PORCN: variants seen among roughly 807,000 people sequenced by gnomAD.
PORCN encodes the protein porcupine O-acyltransferase.
PORCN carries 1 observed loss-of-function variant against 43.0 expected under a neutral mutation model. The observed-to-expected ratio is 0.02, with a 90% CI of 0.01 to 0.11. PORCN has a LOEUF of 0.11. Among genes scored for constraint, PORCN ranks in the 10% least tolerant of loss-of-function variants. The probability of loss-of-function intolerance (pLI) is 1.00; values close to 1 mark genes in which losing one functional copy is unlikely to be tolerated. For synonymous variants in PORCN, 148 were observed against 166.4 expected (o/e 0.89, Z 0.85); for missense variants, 240 against 392.1 (o/e 0.61, Z 3.28).
rs2061686432 is a variant in PORCN at position 48,512,856 on chromosome X, A to T, written c.704+4A>T. On this transcript the variant is annotated splice_donor_region_variant and intron_variant, in intron 7 of 14. Coordinates refer to ENST00000326194, the MANE Select transcript of PORCN (RefSeq NM_203475.3). ...ACAGCAAGAAACGCAAAGCCAGGTAAATGAGGGCAGGTGTGAGGGCACGTG... is the reference window on the plus strand; with the variant it reads ...ACAGCAAGAAACGCAAAGCCAGGTATATGAGGGCAGGTGTGAGGGCACGTG... 8.3e-7 allele frequency: 1 copy of T among 1,210,817 alleles called. No individual in the cohort carries two copies. The highest frequency in any genetic ancestry group is 2.2e-5 in the Admixed American group (1 of 45,905).
chrX:48,512,438 G>T lies in PORCN; in HGVS notation c.486G>T (p.Val162=). 5 of 1,210,506 alleles carry T rather than the reference G, an allele frequency of 4.1e-6. No individual in the cohort carries two copies. Among genetic ancestry groups the T allele is most frequent in the Non-Finnish European group, 5.6e-6 (5 of 894,902 alleles). The change falls in exon 5 of 15, where the codon GTG becomes GTT. Residue 162 remains valine, a synonymous_variant. Coordinates refer to ENST00000326194, the MANE Select transcript of PORCN (RefSeq NM_203475.3). ...PVEFMGYLYF[V]GTIVFGPWIS... ...AGTTCATGGGCTACCTCTACTTCGT[G>T]GGCACCATCGTCTTCGGGCCCTGGA...
Position 48,516,111 on chromosome X carries a change from C to A in PORCN, c.1138C>A (p.Arg380=), listed in dbSNP as rs782208997. The A allele has an allele frequency of 1.4e-5, 17 of 1,211,480 alleles. No individual in the cohort carries two copies. Among genetic ancestry groups the A allele is most frequent in the Non-Finnish European group, 1.9e-5 (17 of 895,371 alleles). The part of the protein sequence containing the change: ...RILSACVLSK[R]CPPDCSHQHR... ...CCTCAGTGCCTGTGTCTTGTCAAAG[C>A]GGTGCCCGCCAGACTGTTCGCACCA... Residue 380 remains arginine (R), a synonymous_variant, in exon 13 of 15, where the codon CGG becomes AGG. Transcript: ENST00000326194.
In PORCN at chrX:48,519,193, G is replaced by T. The variant is rs782604160; in HGVS notation, c.1285-1182G>T. ...GCTGGTCTCAAACTCCTGACCTCAG[G>T]TAATCCACTCACCTCAGCCTCCCAA... On this transcript the variant is annotated intron_variant, in intron 14 of 14. Transcript: ENST00000326194. Among the ~76,000 whole-genome samples the T allele has an allele frequency of 3.6e-5, 4 of 111,263 alleles. 1 individual carries two copies. In the East Asian group the frequency reaches 1.1e-3, roughly 31 times the overall value.
intron 14 of PORCN, among the ~76,000 whole-genome samples, chrX:48,519,386 A>C (rs2061742665): frequency 8.9e-6 from 1 of 112,775 alleles, no homozygotes; most frequent in Admixed American, 9.4e-5. Flanking sequence ...ACTGTTCTGC[A>C]ATTTTTGAAA....
chrX:48,520,194 T>A (rs2147148746), intron 14 of PORCN, among the ~76,000 whole-genome samples, 181 bp from the exon 15 acceptor site: 1 of 111,925 alleles, frequency 8.9e-6, no homozygotes, highest in Admixed American at 9.5e-5. Context: ...CACTTTGTTT[T>A]TAAAATGATT....
intron 8 of PORCN, 31 bp downstream of exon 8, chrX:48,514,172 G>A: frequency 8.3e-7 from 1 of 1,212,043 alleles, no homozygotes; most frequent in Non-Finnish European, 1.1e-6. Context: ...CCAGGATGCT[G>A]ACATGTGGTG....
rs782673953 is a variant in PORCN, at chrX:48,514,378, G to T, written c.845+13G>T. 6 of 1,206,476 alleles carry T rather than the reference G, an allele frequency of 5.0e-6. No individual in the cohort carries two copies. The African/African-American group carries it at 8.6e-5, about 17-fold the overall frequency. Reference sequence around the variant, plus strand: ...ATCACCTGGAATGGTGGGGGGGCTTGGGGACCCCCTCTCCCACAGGGTGCT... The same window carrying T: ...ATCACCTGGAATGGTGGGGGGGCTTTGGGACCCCCTCTCCCACAGGGTGCT... On this transcript the variant is annotated intron_variant, in intron 9 of 14. Transcript: ENST00000326194.
At chrX:48,511,988 C>T (rs1430705008) in intron 4 of PORCN, 53 bp downstream of exon 4, 9 of 986,181 alleles carry the variant, frequency 9.1e-6, no homozygotes, top group Non-Finnish European at 1.3e-5. Flanking sequence ...CACTCCTCGT[C>T]TCCTAACTGC....
At position 48,512,390 on chromosome X, in the gene PORCN, G is replaced by T; in HGVS notation, c.438G>T (p.Val146=). 1 of 1,211,755 alleles carries T rather than the reference G, an allele frequency of 8.3e-7. No homozygotes were observed. Among genetic ancestry groups the T allele is most frequent in the Non-Finnish European group, 1.1e-6 (1 of 895,346 alleles). Residue 146 remains valine, a synonymous_variant, in exon 5 of 15, where the codon GTG becomes GTT. Coordinates refer to ENST00000326194, the MANE Select transcript of PORCN (RefSeq NM_203475.3). Reference sequence around the variant, plus strand: ...GCTTCGACCTGGACCGGGGCGAGGTGGGTACGGTGCCCTCGCCAGTGGAGT... The same window carrying T: ...GCTTCGACCTGGACCGGGGCGAGGTTGGTACGGTGCCCTCGCCAGTGGAGT... ...SLGFDLDRGE[V]GTVPSPVEFM... is the part of the protein sequence containing the mutation.
Position 48,512,490 on chromosome X carries a change from G to A in PORCN, c.538G>A (p.Val180Ile). The change falls in exon 5 of 15, where the codon GTC (valine) becomes ATC (isoleucine). Residue 180 changes from valine to isoleucine, a missense_variant. Val to Ile is a conservative substitution (Grantham distance 29, BLOSUM62 3). Coordinates refer to ENST00000326194, the MANE Select transcript of PORCN (RefSeq NM_203475.3). ...ATCCTTCCACAGCTACCTACAAGCT[G>A]TCCAAGGCCGCCCACTGGTGAGGTC... Reference protein sequence around the residue: ...WISFHSYLQAVQGRPLSCRWL... With the variant: ...WISFHSYLQAIQGRPLSCRWL... 8.3e-7 allele frequency: 1 copy of A among 1,205,935 alleles called. No individual in the cohort carries two copies. The highest frequency in any genetic ancestry group is 1.1e-6 in the Non-Finnish European group (1 of 892,427).
chrX:48,519,970 C>T (rs1337091507), intron 14 of PORCN, among the ~76,000 whole-genome samples: 1 of 111,930 alleles, frequency 8.9e-6, no homozygotes, highest in Non-Finnish European at 1.9e-5. Context: ...GCACTCAAGC[C>T]TGGGTGACAG....
chrX:48,517,887 T>G (rs2061730851), intron 14 of PORCN, among the ~76,000 whole-genome samples: 1 of 110,156 alleles, frequency 9.1e-6, no homozygotes, highest in Admixed American at 9.8e-5. Flanking sequence ...ACTTCATTAT[T>G]GTTTAGGTAG....
At chrX:48,510,797 C>T (rs1284296312) in intron 2 of PORCN, among the ~76,000 whole-genome samples, 2 of 110,360 alleles carry the variant, frequency 1.8e-5, no homozygotes, top group Non-Finnish European at 3.8e-5. Flanking sequence ...ATCTATCTAT[C>T]CATCTATCTA....
Position 48,520,757 on chromosome X carries a change from T to C in PORCN, c.*281T>C, listed in dbSNP as rs1030083068. The C allele has an allele frequency of 1.6e-5, 6 of 381,997 alleles. No homozygotes were observed. Among genetic ancestry groups the C allele is most frequent in the Non-Finnish European group, 2.8e-5 (6 of 216,251 alleles). The allele number at this position is 381,997 out of a possible 1,213,427, so 31.5% of individuals were successfully genotyped here. Reference sequence around the variant, plus strand: ...ATCCAGGGCCTCCCCGCCTTCCTTCTTCCTTTTTATATACAATTTGTTATT... The same window carrying C: ...ATCCAGGGCCTCCCCGCCTTCCTTCCTCCTTTTTATATACAATTTGTTATT... On this transcript the variant is annotated 3_prime_UTR_variant, in exon 15 of 15. Transcript: ENST00000326194.
intron 12 of PORCN, 53 bp downstream of exon 12, chrX:48,516,006 G>C: frequency 8.3e-7 from 1 of 1,198,186 alleles, no homozygotes. Flanking sequence ...GGGGGGGCTG[G>C]AGACAGCCTC....
At chrX:48,514,756 C>A in intron 10 of PORCN, 131 bp downstream of exon 10, 1 of 541,722 alleles carries the variant, frequency 1.8e-6, no homozygotes, top group Non-Finnish European at 3.3e-6. Context: ...TGCAGTTCTC[C>A]TGGGGGGGCA....
rs781840158 is a variant in PORCN, at chrX:48,511,442, G to A, written c.284G>A (p.Arg95Gln). 7.4e-6 allele frequency: 9 copies of A among 1,209,067 alleles called. No homozygotes were observed. The highest frequency in any genetic ancestry group is 4.6e-4 in the Middle Eastern group (2 of 4,350). Reference protein sequence around the residue: ...VLFLCRHSSHRGVFLSVTILI... With the variant: ...VLFLCRHSSHQGVFLSVTILI... The stretch of plus-strand genomic sequence containing the variant: ...TTCCTCTGCCGACATTCCTCCCATC[G>A]AGGCGTCTTCCTATCCGTCACCATC... Residue 95 changes from arginine (R) to glutamine (Q), a missense_variant, in exon 3 of 15, where the codon CGA becomes CAA. By Grantham distance (43) the Arg-to-Gln change is conservative. Transcript: ENST00000326194.
At chrX:48,511,749 C>T (rs5905696) in intron 3 of PORCN, 143 bp from the exon 4 acceptor site, 5 of 616,773 alleles carry the variant, frequency 8.1e-6, no homozygotes, top group Non-Finnish European at 1.4e-5. Context: ...AGGAGGGAGC[C>T]TGGGAGAATT....
intron 5 of PORCN, 32 bp from the exon 6 acceptor site, chrX:48,512,557 G>A (rs1556974191): frequency 8.3e-7 from 1 of 1,209,539 alleles, no homozygotes; most frequent in South Asian, 1.8e-5. Context: ...GCCACCCTGG[G>A]GCAGCACTCA....
Sources: allele counts gnomAD v4.1 joint callset (sites outside exome capture counted in the v4.1 genomes callset), GRCh38; gene constraint gnomAD v4.1.1; transcripts MANE v1.5; gene names NCBI Gene and HGNC (gene_info 2026-07-23, HGNC 2026-07-21).